Variants in TPST1 observed in about 807,000 individuals in gnomAD.
The protein encoded by TPST1 is tyrosylprotein sulfotransferase 1, also known as protein-tyrosine sulfotransferase 1.
Under a neutral mutation model 34.8 loss-of-function variants are expected in TPST1, and 20 were observed. The observed-to-expected ratio is 0.57, with a 90% CI of 0.40 to 0.84. The LOEUF (loss-of-function observed/expected upper bound fraction) is 0.84. Ranked by LOEUF, TPST1 falls within the 40% of genes least tolerant of loss-of-function variation. The probability of loss-of-function intolerance (pLI) is 0.00; values close to 1 mark genes in which losing one functional copy is unlikely to be tolerated. For synonymous variants in TPST1, 152 were observed against 159.4 expected, an observed-to-expected ratio of 0.95 and a Z score of 0.35; for missense variants, 353 against 455.5, an observed-to-expected ratio of 0.78 and a Z score of 2.05.
chr7:66,216,250 G>T (rs1789406990), intron 1 of TPST1, among the ~76,000 whole-genome samples: 2 of 141,754 alleles, frequency 1.4e-5, no homozygotes, highest in Admixed American at 1.4e-4. Context: ...ATTTTTGTAG[G>T]GTTGGTAGTT....
chr7:66,228,832 C>A (rs1789718088), intron 1 of TPST1, among the ~76,000 whole-genome samples: 1 of 152,136 alleles, frequency 6.6e-6, no homozygotes. Flanking sequence ...AACTCCTGTT[C>A]TTGGTTCTCT....
intron 2 of TPST1, among the ~76,000 whole-genome samples, chr7:66,256,271 T>C (rs77736053): frequency 1.2e-3 from 177 of 152,376 alleles, no homozygotes; most frequent in African/African-American, 3.8e-3. Flanking sequence ...CTATTTCTAG[T>C]TCACTAAGAG....
chr7:66,198,850 T>C, the TPST1 span, among the ~76,000 whole-genome samples: 4 of 152,192 alleles, frequency 2.6e-5, no homozygotes, highest in Non-Finnish European at 5.9e-5. Flanking sequence ...TTCTTTTTCT[T>C]TAAATTGTAT....
chr7:66,340,502 C>T (rs1017107348), intron 3 of TPST1, among the ~76,000 whole-genome samples: 1 of 152,090 alleles, frequency 6.6e-6, no homozygotes, highest in African/African-American at 2.4e-5. Context: ...CTGAAGACTC[C>T]TCCAAAAACT....
chr7:66,352,703 G>T lies in TPST1; in HGVS notation c.1095+148G>T, dbSNP rs533881765. On this transcript the variant is annotated intron_variant, in intron 4 of 5. Coordinates refer to ENST00000304842, the MANE Select transcript of TPST1 (RefSeq NM_003596.4). ...AGGGATAGTGATATGTGCTGGGGAA[G>T]AAAGATCAGCGTCTGGGACTTGTTG... The T allele has an allele frequency of 6.7e-6, 10 of 1,481,670 alleles. No homozygotes were observed. In the South Asian group the frequency reaches 9.8e-5, roughly 14 times the overall value. 91.8% of individuals were successfully genotyped at this position (1,481,670 alleles called of 1,614,324 possible).
At chr7:66,346,024 C>T (rs1022749732) in intron 3 of TPST1, among the ~76,000 whole-genome samples, 8 of 150,110 alleles carry the variant, frequency 5.3e-5, no homozygotes, top group African/African-American at 2.0e-4. Context: ...CTCTCTATTT[C>T]CATGAGTTCA....
intron 3 of TPST1, among the ~76,000 whole-genome samples, chr7:66,341,656 C>T (rs145446938): frequency 2.0e-5 from 3 of 152,316 alleles, no homozygotes; most frequent in African/African-American, 7.2e-5. Context: ...ATACTCAACT[C>T]TCATATAGAG....
Position 66,286,650 on chromosome 7 carries a change from T to A in TPST1, c.985T>A (p.Tyr329Asn). Residue 329 changes from tyrosine to asparagine, a missense_variant, in exon 3 of 6, where the codon TAT (tyrosine) becomes AAT (asparagine). Physicochemically the swap from Tyr to Asn is moderately radical, Grantham distance 143. Transcript: ENST00000304842. ...PMLAKLGYDP[Y>N]ANPPNYGKPD... ...GCTTGCCAAGCTTGGATATGACCCA[T>A]ATGCCAACCCACCTAACTACGGAAA... The A allele has an allele frequency of 6.2e-7, 1 of 1,601,652 alleles. No homozygotes were observed. Among genetic ancestry groups the A allele is most frequent in the African/African-American group, 1.3e-5 (1 of 74,320 alleles).
chr7:66,351,418 A>G (rs1244608407), intron 3 of TPST1, among the ~76,000 whole-genome samples: 1 of 152,112 alleles, frequency 6.6e-6, no homozygotes, highest in Non-Finnish European at 1.5e-5. Context: ...TGGACCTGTC[A>G]TTCTGTTTCA....
intron 2 of TPST1, among the ~76,000 whole-genome samples, chr7:66,266,744 A>C (rs1413404406): frequency 6.6e-6 from 1 of 152,254 alleles, no homozygotes; most frequent in Admixed American, 6.5e-5. Context: ...GTTGAAGCTC[A>C]GAAATATACT....
At chr7:66,334,355 G>T (rs1381360432) in intron 3 of TPST1, among the ~76,000 whole-genome samples, 1 of 152,096 alleles carries the variant, frequency 6.6e-6, no homozygotes, top group Non-Finnish European at 1.5e-5. Context: ...AATTATTCAG[G>T]CTGGGCGCGG....
chr7:66,242,435 A>G (rs1281557011), intron 2 of TPST1, among the ~76,000 whole-genome samples: 7 of 152,304 alleles, frequency 4.6e-5, no homozygotes, highest in Admixed American at 6.5e-5. Context: ...TTGTATAGTA[A>G]ATAGATTTCT....
rs71051348 is a variant in TPST1, at chr7:66,286,817, ATTTT to A, written c.1044+119_1044+122del. On this transcript the variant is annotated intron_variant, in intron 3 of 5. Coordinates refer to ENST00000304842, the MANE Select transcript of TPST1 (RefSeq NM_003596.4). ...TGCTATTTAATGATCAGAAAAATAT[ATTTT>A]TTTTTTTTTTCATTTATTTTTATTT... is the stretch of plus-strand genomic sequence containing the variant. 3.4e-5 allele frequency: 22 copies of A among 646,014 alleles called. No homozygotes were observed. The African/African-American group carries it at 3.6e-4, about 11-fold the overall frequency. 40.0% of individuals were successfully genotyped at this position (646,014 alleles called of 1,614,324 possible). A position where few individuals can be genotyped will look rare whatever the true frequency, so the allele number is the denominator to read the frequency against.
chr7:66,297,672 G>T (rs757581860), intron 3 of TPST1, among the ~76,000 whole-genome samples: 5 of 152,168 alleles, frequency 3.3e-5, no homozygotes, highest in Non-Finnish European at 7.4e-5. Flanking sequence ...TAACAGACAA[G>T]AAGAAACATG....
upstream of TPST1, among the ~76,000 whole-genome samples, chr7:66,204,413 A>G (rs891999616): frequency 2.0e-5 from 3 of 152,164 alleles, no homozygotes; most frequent in Non-Finnish European, 4.4e-5. Flanking sequence ...ACGGGGTTTC[A>G]CTATGTTGGC....
At chr7:66,254,835 G>T (rs1403132451) in intron 2 of TPST1, among the ~76,000 whole-genome samples, 3 of 152,094 alleles carry the variant, frequency 2.0e-5, no homozygotes, top group Non-Finnish European at 4.4e-5. Context: ...TCTAATAGTA[G>T]TAAGCAACCT....
intron 1 of TPST1, among the ~76,000 whole-genome samples, chr7:66,217,307 G>A (rs1266258429): frequency 6.6e-6 from 1 of 152,094 alleles, no homozygotes; most frequent in Non-Finnish European, 1.5e-5. Context: ...AACTGTTATT[G>A]TTAAATTGTC....
At chr7:66,275,255 G>A (rs1188169410) in intron 2 of TPST1, among the ~76,000 whole-genome samples, 7 of 151,948 alleles carry the variant, frequency 4.6e-5, no homozygotes, top group Admixed American at 4.6e-4. Context: ...TGGAGAAAAG[G>A]GAGACCTATA....
intron 2 of TPST1, among the ~76,000 whole-genome samples, chr7:66,262,435 A>G (rs1336718660): frequency 2.0e-5 from 3 of 151,860 alleles, no homozygotes; most frequent in African/African-American, 7.3e-5. Flanking sequence ...CTTCCTCCTA[A>G]CCCTTCTATG....
Sources: gnomAD v4.1 joint callset for allele counts (sites outside exome capture counted in the v4.1 genomes callset) on GRCh38, gnomAD v4.1.1 for gene constraint, MANE v1.5 for transcripts, NCBI Gene and HGNC (gene_info 2026-07-23, HGNC 2026-07-21) for gene names.